Variants in ZNF251 observed in about 807,000 individuals in gnomAD.
ZNF251 encodes zinc finger protein 251.
Under a neutral mutation model 13.5 loss-of-function variants are expected in ZNF251, and 14 were observed. The observed-to-expected ratio is 1.04, with a 90% CI of 0.69 to 1.63. ZNF251 has a LOEUF of 1.63. Ranked by LOEUF, ZNF251 falls within the 40% of genes most tolerant of loss-of-function variation. ZNF251 has a pLI of 0.00. For missense variants in ZNF251, 764 were observed against 834.9 expected, an observed-to-expected ratio of 0.92 and a Z score of 1.05; for synonymous variants, 287 against 295.2, an observed-to-expected ratio of 0.97 and a Z score of 0.28.
chr8:144,740,950 GAAAC>G (rs1330238156), intron 4 of ZNF251, among the ~76,000 whole-genome samples: 2 of 149,566 alleles, frequency 1.3e-5, no homozygotes, highest in Non-Finnish European at 3.0e-5. Flanking sequence ...CAAAAAAAAA[GAAAC>G]AAAAAAAAAC....
Position 144,722,708 on chromosome 8 carries a change from C to G in ZNF251, c.952G>C (p.Glu318Gln). 3.1e-6 allele frequency: 5 copies of G among 1,614,130 alleles called. 1 individual carries two copies. Among genetic ancestry groups the G allele is most frequent in the Non-Finnish European group, 4.2e-6 (5 of 1,179,986 alleles). Residue 318 changes from glutamate (E) to glutamine (Q), a missense_variant, in exon 5 of 5, where the codon GAG becomes CAG. Glu to Gln is a conservative substitution (Grantham distance 29). Transcript: ENST00000292562. The surrounding 1 kb of genome is among the most constrained non-coding windows in gnomAD (Gnocchi z 4.8). ...CATTCATTACACTTGTAGGGTTTCT[C>G]TCCTGTGTGAATGATCCGATGTTGA... ...LIQHRIIHTG[E>Q]KPYKCNECGR...
chr8:144,745,470 G>A (rs927698056), intron 4 of ZNF251, among the ~76,000 whole-genome samples: 3 of 152,088 alleles, frequency 2.0e-5, no homozygotes, highest in Admixed American at 1.3e-4. Flanking sequence ...TCAATATTGA[G>A]TTGACTATTC....
intron 4 of ZNF251, among the ~76,000 whole-genome samples, chr8:144,743,491 G>A (rs1824266597): frequency 1.3e-5 from 2 of 152,294 alleles, no homozygotes; most frequent in Non-Finnish European, 1.5e-5. Context: ...TTATGAATAA[G>A]GTTTGGTAAT....
intron 4 of ZNF251, among the ~76,000 whole-genome samples, chr8:144,744,978 C>T (rs1824349582): frequency 6.6e-6 from 1 of 152,124 alleles, no homozygotes; most frequent in Non-Finnish European, 1.5e-5. Flanking sequence ...ATCACTTGAA[C>T]CCAGGAGGTG....
chr8:144,735,365 G>A (rs1474535315), intron 4 of ZNF251, among the ~76,000 whole-genome samples: 11 of 128,204 alleles, frequency 8.6e-5, no homozygotes, highest in African/African-American at 3.3e-4. Context: ...CTGGGCAACA[G>A]AGCAAGACTC....
At chr8:144,735,399 A>AG (rs1382114931) in intron 4 of ZNF251, among the ~76,000 whole-genome samples, 4,451 of 150,552 alleles carry the variant, frequency 0.03, 91 homozygotes, top group Admixed American at 0.07. Flanking sequence ...AAAAAAAAAA[A>AG]AGAGATTTTG....
At chr8:144,739,022 A>T (rs573460260) in intron 4 of ZNF251, among the ~76,000 whole-genome samples, 1 of 152,142 alleles carries the variant, frequency 6.6e-6, no homozygotes, top group East Asian at 1.9e-4. Flanking sequence ...CCAACTGGGG[A>T]CACACCATTC....
chr8:144,745,628 C>G (rs1824389343), intron 4 of ZNF251, among the ~76,000 whole-genome samples: 1 of 152,002 alleles, frequency 6.6e-6, no homozygotes, highest in Non-Finnish European at 1.5e-5. Context: ...CTTACTGAAA[C>G]CTCAGACTCC....
Position 144,753,788 on chromosome 8 carries a change from C to CA in ZNF251, c.171dup (p.Val58CysfsTer3). On this transcript the variant is annotated frameshift_variant, in exon 4 of 5. Coordinates refer to ENST00000292562, the MANE Select transcript of ZNF251 (RefSeq NM_138367.2). LOFTEE classifies it high-confidence loss of function. ...TGGGAGATCAACTCCGGCTTAGGGA[C>CA]AGGGAATCCTGTTGAGGATGAGGAC... The CA allele has an allele frequency of 6.3e-7, 1 of 1,576,130 alleles. No homozygotes were observed. Among genetic ancestry groups the CA allele is most frequent in the South Asian group, 1.2e-5 (1 of 86,046 alleles).
At chr8:144,743,210 C>A (rs1031517289) in intron 4 of ZNF251, among the ~76,000 whole-genome samples, 2 of 152,158 alleles carry the variant, frequency 1.3e-5, no homozygotes, top group Non-Finnish European at 2.9e-5. Flanking sequence ...ATTACAGGCA[C>A]CAACCACCAT....
At chr8:144,737,638 C>T (rs998958456) in intron 4 of ZNF251, among the ~76,000 whole-genome samples, 3 of 151,890 alleles carry the variant, frequency 2.0e-5, no homozygotes, top group African/African-American at 4.8e-5. Flanking sequence ...CGAGACCATC[C>T]TGGCTAACAC....
At position 144,734,194 on chromosome 8, in the gene ZNF251, G is replaced by A. The variant is rs1017880930; in HGVS notation, c.278-10812C>T. 1.3e-5 allele frequency among the ~76,000 whole-genome samples: 2 copies of A among 152,180 alleles called. No homozygotes were observed. Among genetic ancestry groups the A allele is most frequent in the Admixed American group, 6.5e-5 (1 of 15,280 alleles). On this transcript the variant is annotated intron_variant, in intron 4 of 4. Coordinates refer to ENST00000292562, the MANE Select transcript of ZNF251 (RefSeq NM_138367.2). The surrounding 1 kb of genome is among the most constrained non-coding windows in gnomAD (Gnocchi z 4.4). ...CCTTTGTCCCAGCGCTGAGCCGAGC[G>A]GAGCTCCTGGCTGTAAGGACACCTC...
At chr8:144,737,988 A>AG (rs1823982217) in intron 4 of ZNF251, among the ~76,000 whole-genome samples, 1 of 152,068 alleles carries the variant, frequency 6.6e-6, no homozygotes, top group Admixed American at 6.6e-5. Flanking sequence ...CACTGTTACC[A>AG]CCCACAGGTC....
chr8:144,751,966 A>G (rs1028384552), intron 4 of ZNF251, among the ~76,000 whole-genome samples: 3 of 152,168 alleles, frequency 2.0e-5, no homozygotes, highest in African/African-American at 7.2e-5. Flanking sequence ...GACAAACAGG[A>G]ATTCTCTTAT....
chr8:144,722,801 G>T lies in ZNF251; in HGVS notation c.859C>A (p.His287Asn). ...CAGCCAAAGGGTTTTTCTCCAGTGT[G>T]AATTCTCCGATGAAGACGGAGGTGA... ...NSHLRLHRRI[H>N]TGEKPFGCGE... The change falls in exon 5 of 5, where the codon CAC becomes AAC. Residue 287 changes from histidine (H) to asparagine (N), a missense_variant. Physicochemically the swap from His to Asn is moderately conservative, Grantham distance 68. Transcript: ENST00000292562. The surrounding 1 kb of genome is among the most constrained non-coding windows in gnomAD (Gnocchi z 4.8). 6.2e-7 allele frequency: 1 copy of T among 1,614,106 alleles called. No homozygotes were observed. Among genetic ancestry groups the T allele is most frequent in the Non-Finnish European group, 8.5e-7 (1 of 1,179,932 alleles).
At chr8:144,730,557 G>A (rs1823663615) in intron 4 of ZNF251, among the ~76,000 whole-genome samples, 1 of 147,986 alleles carries the variant, frequency 6.8e-6, no homozygotes, top group African/African-American at 2.5e-5. Flanking sequence ...CTGCGACGGG[G>A]CGTCCCGGGG....
Position 144,722,493 on chromosome 8 carries a change from G to A in ZNF251, c.1167C>T (p.Ser389=). The part of the protein sequence containing the change: ...CNQCGKAFSQ[S]SSLFLHHRVH... ...CCCGATGATGGAGGAAAAGGCTTGA[G>A]CTCTGACTGAAGGCCTTCCCACACT... Residue 389 remains serine, a synonymous_variant, in exon 5 of 5, where the codon AGC becomes AGT. Transcript: ENST00000292562. This position sits in a 1 kb window ranked among gnomAD's most constrained non-coding sequence, Gnocchi z 4.8. The A allele has an allele frequency of 6.2e-7, 1 of 1,613,426 alleles. No individual in the cohort carries two copies. Among genetic ancestry groups the A allele is most frequent in the Non-Finnish European group, 8.5e-7 (1 of 1,179,802 alleles).
chr8:144,729,782 G>C lies in ZNF251; in HGVS notation c.278-6400C>G, dbSNP rs374448854. 7.6e-4 allele frequency among the ~76,000 whole-genome samples: 115 copies of C among 152,230 alleles called. 2 individuals carry two copies. The East Asian group carries it at 7.8e-3, about 10-fold the overall frequency. On this transcript the variant is annotated intron_variant, in intron 4 of 4. Coordinates refer to ENST00000292562, the MANE Select transcript of ZNF251 (RefSeq NM_138367.2). ...AGGCTGAAATGAGAGGAGAGCTTGAGCCCACGAGGTGGAGGCTGCAGTGAG... is the reference window on the plus strand; with the variant it reads ...AGGCTGAAATGAGAGGAGAGCTTGACCCCACGAGGTGGAGGCTGCAGTGAG...
intron 4 of ZNF251, among the ~76,000 whole-genome samples, chr8:144,732,635 A>AC (rs1386886575): frequency 6.6e-6 from 1 of 151,542 alleles, no homozygotes; most frequent in Non-Finnish European, 1.5e-5. Flanking sequence ...ACACGGTGAA[A>AC]CCCCGTCTCT....
Sources: gnomAD v4.1 joint callset for allele counts (sites outside exome capture counted in the v4.1 genomes callset) on GRCh38, gnomAD v4.1.1 for gene constraint, Gnocchi (gnomAD v3.1) non-coding constraint, MANE v1.5 for transcripts, NCBI Gene and HGNC (gene_info 2026-07-23, HGNC 2026-07-21) for gene names.